The following ZNF613 variants were observed in gnomAD, a reference collection of about 807,000 sequenced individuals.
ZNF613 encodes the protein zinc finger protein 613.
In ZNF613, 8 loss-of-function variants were observed where a neutral mutation model predicts 14.3. That is an observed-to-expected ratio of 0.56 (90% CI 0.33 to 1.01). ZNF613 has a LOEUF of 1.01. Ranked by LOEUF, ZNF613 falls within the 50% of genes least tolerant of loss-of-function variation. The pLI is 0.03. For synonymous variants in ZNF613, 228 were observed against 254.5 expected (o/e 0.90, Z 0.99); for missense variants, 656 against 741.9 (o/e 0.88, Z 1.35).
intron 5 of ZNF613, 152 bp from the exon 6 acceptor site, chr19:51,943,967 T>G (rs2085370664): frequency 2.0e-6 from 1 of 494,460 alleles, no homozygotes; most frequent in Non-Finnish European, 3.3e-6. Context: ...TTATAATGGT[T>G]TATTCTTGTC....
At chr19:51,942,696 C>T (rs1243314214) in intron 5 of ZNF613, 2 of 145,562 alleles carry the variant, frequency 1.4e-5, no homozygotes, top group Non-Finnish European at 3.0e-5. Flanking sequence ...ATTTTAATGA[C>T]TTGATTTTTT....
Position 51,944,637 on chromosome 19 carries a change from A to G in ZNF613, c.754A>G (p.Arg252Gly). ...SRKSGLTEHQ[R>G]NHTGEKPYEC... ...AAAGTCCGGGCTCACTGAACACCAG[A>G]GAAACCACACAGGAGAGAAACCCTA... The change falls in exon 6 of 6, where the codon AGA becomes GGA. Residue 252 changes from arginine (R) to glycine (G), a missense_variant. Coordinates refer to ENST00000293471, the MANE Select transcript of ZNF613 (RefSeq NM_001031721.4). 1 of 1,614,216 alleles carries G rather than the reference A, an allele frequency of 6.2e-7. No individual in the cohort carries two copies. Among genetic ancestry groups the G allele is most frequent in the Non-Finnish European group, 8.5e-7 (1 of 1,180,042 alleles).
In ZNF613 at chr19:51,945,279, T is replaced by C. The variant is rs765985771; in HGVS notation, c.1396T>C (p.Ser466Pro). ...FVCTECGKSC[S>P]HKSGLINHQR... Reference sequence around the variant, plus strand: ...ATGTACTGAGTGTGGAAAATCCTGCTCACACAAGTCAGGTCTCATTAACCA... The same window carrying C: ...ATGTACTGAGTGTGGAAAATCCTGCCCACACAAGTCAGGTCTCATTAACCA... Residue 466 changes from serine to proline, a missense_variant, in exon 6 of 6, where the codon TCA (serine) becomes CCA (proline). Transcript: ENST00000293471. 3.0e-5 allele frequency: 49 copies of C among 1,613,684 alleles called. 2 individuals are homozygous for C. In the South Asian group the frequency reaches 5.3e-4, roughly 17 times the overall value.
Position 51,945,164 on chromosome 19 carries a change from C to T in ZNF613, c.1281C>T (p.Pro427=). ...IHRRTHTGEK[P]YVCNECGKGF... ...GACGTACTCACACTGGAGAGAAACC[C>T]TATGTATGCAATGAATGTGGGAAAG... Residue 427 remains proline (P), a synonymous_variant, in exon 6 of 6, where the codon CCC becomes CCT. Transcript: ENST00000293471. The T allele has an allele frequency of 6.2e-7, 1 of 1,614,108 alleles. No homozygotes were observed. The highest frequency in any genetic ancestry group is 1.1e-5 in the South Asian group (1 of 91,082).
intron 5 of ZNF613, chr19:51,942,898 C>T (rs1005290329): frequency 5.3e-5 from 8 of 152,156 alleles, no homozygotes; most frequent in Admixed American, 2.6e-4. Flanking sequence ...AGAGTTTCAC[C>T]ATGTTGGCCA....
chr19:51,937,983 G>A (rs1211602920), intron 3 of ZNF613, among the ~76,000 whole-genome samples: 5 of 151,860 alleles, frequency 3.3e-5, no homozygotes, highest in Admixed American at 2.0e-4. Flanking sequence ...CTCCCACCTC[G>A]GCCTCCCAAA....
chr19:51,943,251 CCA>C (rs2085365099), intron 5 of ZNF613, among the ~76,000 whole-genome samples: 1 of 152,166 alleles, frequency 6.6e-6, no homozygotes, highest in African/African-American at 2.4e-5. Context: ...CCCCTGTTAT[CCA>C]CAGTTTCTCT....
intron 3 of ZNF613, among the ~76,000 whole-genome samples, chr19:51,939,058 C>T (rs561703045): frequency 1.3e-5 from 2 of 151,724 alleles, no homozygotes; most frequent in East Asian, 1.9e-4. Context: ...TGTATTTTCT[C>T]TTTCACAAAC....
intron 2 of ZNF613, among the ~76,000 whole-genome samples, chr19:51,933,530 A>G (rs1178343038): frequency 6.6e-6 from 1 of 151,922 alleles, no homozygotes; most frequent in Non-Finnish European, 1.5e-5. Flanking sequence ...CACAGACTCA[A>G]ACTCCTGGGC....
In ZNF613 at chr19:51,945,086, A is replaced by G. The variant is rs749962197; in HGVS notation, c.1203A>G (p.Ile401Met). ...QRIHTGEKPY[I>M]CNECGKGFIQ... ...TTCATACTGGAGAAAAACCCTATAT[A>G]TGCAATGAATGTGGAAAAGGCTTCA... The change falls in exon 6 of 6, where the codon ATA becomes ATG. Residue 401 changes from isoleucine (I) to methionine (M), a missense_variant. Coordinates refer to ENST00000293471, the MANE Select transcript of ZNF613 (RefSeq NM_001031721.4). 5.6e-6 allele frequency: 9 copies of G among 1,614,100 alleles called. No homozygotes were observed. In the East Asian group the frequency reaches 1.6e-4, roughly 28 times the overall value.
At chr19:51,935,548 T>C (rs1430238917) in intron 2 of ZNF613, among the ~76,000 whole-genome samples, 1 of 152,228 alleles carries the variant, frequency 6.6e-6, no homozygotes, top group Non-Finnish European at 1.5e-5. Context: ...CAGAAGGTAG[T>C]AATGAGAATT....
intron 3 of ZNF613, among the ~76,000 whole-genome samples, chr19:51,936,699 G>A (rs780053734): frequency 4.3e-4 from 66 of 152,086 alleles, no homozygotes; most frequent in Non-Finnish European, 9.3e-4. Context: ...TGCACAGGCT[G>A]GTCTCTAACT....
rs1407500475 is a variant in ZNF613, at chr19:51,934,254, G to A, written c.-193-1774G>A. On this transcript the variant is annotated intron_variant, in intron 2 of 5. Transcript: ENST00000293471. ...GTTTTTGATTTTTCGATAGAGGGAC[G>A]GACCCTTGGACCTACCTACTCTGCC... Among the ~76,000 whole-genome samples, 4 of 151,890 alleles carry A rather than the reference G, an allele frequency of 2.6e-5. No homozygotes were observed. In the East Asian group the frequency reaches 5.8e-4, roughly 22 times the overall value.
Position 51,946,477 on chromosome 19 carries a change from A to G in ZNF613, c.*740A>G, listed in dbSNP as rs1367904574. Reference sequence around the variant, plus strand: ...TAGCTCTTGTGTTTCTTTGATTCCAAATTTCTTCACTTGTTATTTCAGACT... The same window carrying G: ...TAGCTCTTGTGTTTCTTTGATTCCAGATTTCTTCACTTGTTATTTCAGACT... On this transcript the variant is annotated 3_prime_UTR_variant, in exon 6 of 6. Transcript: ENST00000293471. 4 of 152,222 alleles carry G rather than the reference A, an allele frequency of 2.6e-5. No homozygotes were observed. Among genetic ancestry groups the G allele is most frequent in the African/African-American group, 7.2e-5 (3 of 41,468 alleles). The allele number at this position is 152,222 out of a possible 1,614,324, so 9.4% of individuals were successfully genotyped here. A position where few individuals can be genotyped will look rare whatever the true frequency, so the allele number is the denominator to read the frequency against.
At chr19:51,928,903 A>C (rs2085241730) in intron 1 of ZNF613, among the ~76,000 whole-genome samples, 1 of 152,012 alleles carries the variant, frequency 6.6e-6, no homozygotes, top group Non-Finnish European at 1.5e-5. Context: ...AGGAAAAAAC[A>C]AAACGAAGAA....
In ZNF613 at chr19:51,944,845, G is replaced by A; in HGVS notation, c.962G>A (p.Cys321Tyr). The A allele has an allele frequency of 1.2e-6, 2 of 1,613,768 alleles. No homozygotes were observed. The highest frequency in any genetic ancestry group is 1.7e-6 in the Non-Finnish European group (2 of 1,180,000). ...GAGAAACCACATGGATGCAGCCTGT[G>A]TGGGAAGGCCTTCTCCAAAAGGTCC... ...TGEKPHGCSL[C>Y]GKAFSKRSRL... is the part of the protein sequence containing the mutation. Residue 321 changes from cysteine (C) to tyrosine (Y), a missense_variant, in exon 6 of 6, where the codon TGT (cysteine) becomes TAT (tyrosine). Coordinates refer to ENST00000293471, the MANE Select transcript of ZNF613 (RefSeq NM_001031721.4).
intron 2 of ZNF613, among the ~76,000 whole-genome samples, chr19:51,932,778 C>A (rs1381396445): frequency 1.3e-5 from 2 of 151,786 alleles, no homozygotes; most frequent in East Asian, 3.9e-4. Flanking sequence ...TGGGCTCAAG[C>A]AATTCTCATA....
intron 2 of ZNF613, among the ~76,000 whole-genome samples, chr19:51,930,832 G>A (rs2085258568): frequency 6.6e-6 from 1 of 152,136 alleles, no homozygotes; most frequent in African/African-American, 2.4e-5. Context: ...TTAGCCATTT[G>A]AGGGACTACC....
chr19:51,940,157 TC>T (rs2085335616), intron 3 of ZNF613, 51 bp from the exon 4 acceptor site: 1 of 1,595,912 alleles, frequency 6.3e-7, no homozygotes, highest in African/African-American at 1.3e-5. Context: ...TCACATTTCT[TC>T]CATATAAATG....
Sources: gnomAD v4.1 joint callset for allele counts (sites outside exome capture counted in the v4.1 genomes callset) on GRCh38, gnomAD v4.1.1 for gene constraint, MANE v1.5 for transcripts, NCBI Gene and HGNC (gene_info 2026-07-23, HGNC 2026-07-21) for gene names.